The following ADAMTS19 variants were observed in gnomAD, a reference collection of about 807,000 sequenced individuals.
ADAMTS19 encodes ADAM metallopeptidase with thrombospondin type 1 motif 19, also known as A disintegrin and metalloproteinase with thrombospondin motifs 19.
ADAMTS19 carries 93 observed loss-of-function variants against 153.3 expected under a neutral mutation model. The ratio of observed to expected loss-of-function variants is 0.61; its 90% confidence interval spans 0.51 to 0.72. The LOEUF (loss-of-function observed/expected upper bound fraction) is 0.72. ADAMTS19 is among the 30% of genes least tolerant of loss of function. The pLI, the probability that ADAMTS19 is intolerant of heterozygous loss-of-function variation, is 0.00. For missense variants in ADAMTS19, 1,482 were observed against 1,552.1 expected, an observed-to-expected ratio of 0.95 and a Z score of 0.76; for synonymous variants, 600 against 556.6, an observed-to-expected ratio of 1.08 and a Z score of -1.10.
chr5:129,527,762 C>G lies in ADAMTS19; in HGVS notation c.1101C>G (p.Phe367Leu). 1.9e-6 allele frequency: 3 copies of G among 1,574,320 alleles called. No homozygotes were observed. The highest frequency in any genetic ancestry group is 2.6e-6 in the Non-Finnish European group (3 of 1,152,838). Residue 367 changes from phenylalanine (F) to leucine (L), a missense_variant, in exon 5 of 23, where the codon TTC becomes TTG. This residue lies in a region of ADAMTS19 where 866 missense variants were observed against 827.7 expected (regional missense o/e 1.05). Coordinates refer to ENST00000274487, the MANE Select transcript of ADAMTS19 (RefSeq NM_133638.6). Reference protein sequence around the residue: ...LTILNMVFNLFQHKSLSVQVN... With the variant: ...LTILNMVFNLLQHKSLSVQVN... ...TTTGTTTTTAGGTATTTAACCTTTT[C>G]CAACACAAGAGTCTGAGTGTGCAGG...
chr5:129,712,133 C>G (rs1756510842), intron 21 of ADAMTS19, among the ~76,000 whole-genome samples: 1 of 151,996 alleles, frequency 6.6e-6, no homozygotes, highest in Non-Finnish European at 1.5e-5. Flanking sequence ...TGCAAATATA[C>G]TGATGTTTGG....
intron 3 of ADAMTS19, among the ~76,000 whole-genome samples, chr5:129,514,207 G>T (rs917200660): frequency 2.0e-5 from 3 of 152,032 alleles, no homozygotes; most frequent in African/African-American, 7.2e-5. Flanking sequence ...CACTTGGATT[G>T]CTCCCAAATC....
At position 129,679,752 on chromosome 5, in the gene ADAMTS19, A is replaced by G; in HGVS notation, c.2507-12A>G. The G allele has an allele frequency of 6.3e-7, 1 of 1,579,946 alleles. No homozygotes were observed. The highest frequency in any genetic ancestry group is 8.6e-7 in the Non-Finnish European group (1 of 1,164,376). ...TTGTTAATACTCATTATATTTTTGA[A>G]CCTCTTTATAGCTCTCCGAGATGCT... On this transcript the variant is annotated splice_polypyrimidine_tract_variant and intron_variant, in intron 16 of 22. Transcript: ENST00000274487.
chr5:129,593,362 T>C (rs2040701), intron 7 of ADAMTS19, among the ~76,000 whole-genome samples: 87,884 of 152,060 alleles, frequency 0.58, 26,947 homozygotes, highest in Non-Finnish European at 0.69. Flanking sequence ...TATTTAATAA[T>C]GATTTGACCT....
intron 2 of ADAMTS19, among the ~76,000 whole-genome samples, chr5:129,472,551 A>G (rs115059948): frequency 0.011 from 1,750 of 152,298 alleles, 21 homozygotes; most frequent in Non-Finnish European, 0.017. Context: ...ATACATGTGA[A>G]CTAGTTGGAA....
intron 21 of ADAMTS19, among the ~76,000 whole-genome samples, chr5:129,726,010 A>G (rs980283285): frequency 1.3e-5 from 2 of 152,154 alleles, no homozygotes; most frequent in Non-Finnish European, 2.9e-5. Flanking sequence ...TTGGTGGGGA[A>G]AAGGGATTAT....
chr5:129,570,321 AG>A (rs1753851975), intron 7 of ADAMTS19, among the ~76,000 whole-genome samples: 3 of 150,028 alleles, frequency 2.0e-5, no homozygotes, highest in African/African-American at 7.3e-5. Flanking sequence ...TCAGTTTGAC[AG>A]TTTAGATTAA....
In ADAMTS19 at chr5:129,694,857, TA is replaced by T; in HGVS notation, c.2954+4del. The stretch of plus-strand genomic sequence containing the variant: ...CAATGAGCAACCATGTCAAACAAGG[TA>T]ACTCTATTCCAAGGGCCCTTAAAGC... On this transcript the variant is annotated splice_donor_region_variant and intron_variant, in intron 19 of 22. Transcript: ENST00000274487. 6.3e-7 allele frequency: 1 copy of T among 1,580,144 alleles called. No individual in the cohort carries two copies. The highest frequency in any genetic ancestry group is 1.2e-5 in the South Asian group (1 of 85,578).
chr5:129,576,319 T>A (rs953901147), intron 7 of ADAMTS19, among the ~76,000 whole-genome samples: 3 of 152,054 alleles, frequency 2.0e-5, no homozygotes, highest in African/African-American at 7.2e-5. Flanking sequence ...TAATATTTTA[T>A]ATAAAAGCTT....
intron 7 of ADAMTS19, among the ~76,000 whole-genome samples, chr5:129,559,669 A>T (rs1023071285): frequency 6.6e-6 from 1 of 152,170 alleles, no homozygotes; most frequent in Non-Finnish European, 1.5e-5. Context: ...AGAGAATCCT[A>T]TATGCATTAA....
At chr5:129,732,010 C>A (rs1478111497) in intron 21 of ADAMTS19, among the ~76,000 whole-genome samples, 9 of 152,018 alleles carry the variant, frequency 5.9e-5, no homozygotes, top group Non-Finnish European at 1.3e-4. Flanking sequence ...GGTATTTTCT[C>A]AGACAAATTA....
rs1286629664 is a variant in ADAMTS19 at position 129,737,234 on chromosome 5, C to A, written c.*16C>A. The A allele has an allele frequency of 1.3e-6, 2 of 1,579,380 alleles. No individual in the cohort carries two copies. The highest frequency in any genetic ancestry group is 1.7e-5 in the Admixed American group (1 of 57,644). Reference sequence around the variant, plus strand: ...GAAGAGTTGACCTCTAGCAGGCTGGCTGGATCACAGCTCTTGGCAATTACA... The same window carrying A: ...GAAGAGTTGACCTCTAGCAGGCTGGATGGATCACAGCTCTTGGCAATTACA... On this transcript the variant is annotated 3_prime_UTR_variant, in exon 23 of 23. Coordinates refer to ENST00000274487, the MANE Select transcript of ADAMTS19 (RefSeq NM_133638.6).
chr5:129,589,353 G>C (rs1390412916), intron 7 of ADAMTS19, among the ~76,000 whole-genome samples: 1 of 151,036 alleles, frequency 6.6e-6, no homozygotes, highest in Non-Finnish European at 1.5e-5. Flanking sequence ...CCAGATTAAT[G>C]CTTATTGTAA....
chr5:129,516,735 A>G (rs1187774211), intron 3 of ADAMTS19, among the ~76,000 whole-genome samples: 2 of 149,754 alleles, frequency 1.3e-5, no homozygotes, highest in South Asian at 2.1e-4. Flanking sequence ...TAACTTTTCA[A>G]ATAAAGCAAC....
Position 129,532,071 on chromosome 5 carries a change from AT to A in ADAMTS19, c.1328+3395del, listed in dbSNP as rs1752227128. 2.0e-5 allele frequency among the ~76,000 whole-genome samples: 3 copies of A among 152,342 alleles called. No individual in the cohort carries two copies. In the South Asian group the frequency reaches 6.2e-4, roughly 32 times the overall value. ...CTAAAACTCTATTGTAGCAAAAAAA[AT>A]AACATCTTCATGAACAAGAGGAGGG... On this transcript the variant is annotated intron_variant, in intron 6 of 22. Coordinates refer to ENST00000274487, the MANE Select transcript of ADAMTS19 (RefSeq NM_133638.6).
At chr5:129,682,491 A>G (rs936882176) in intron 17 of ADAMTS19, among the ~76,000 whole-genome samples, 3 of 152,212 alleles carry the variant, frequency 2.0e-5, no homozygotes, top group African/African-American at 7.2e-5. Context: ...AGTTCTATCA[A>G]TGAAAAGGTA....
At chr5:129,729,306 T>C (rs991186420) in intron 21 of ADAMTS19, among the ~76,000 whole-genome samples, 10 of 151,986 alleles carry the variant, frequency 6.6e-5, no homozygotes, top group Non-Finnish European at 1.2e-4. Context: ...GATTATTCAA[T>C]ATTGTCTTCT....
rs529107921 is a variant in ADAMTS19, at chr5:129,647,875, T to C, written c.1983T>C (p.Ser661=). ...GAACCTGCAGTGCTGGGATCAGCAGTCGAGAGCGCAAATGTCCTGGGTAAA... is the reference window on the plus strand; with the variant it reads ...GAACCTGCAGTGCTGGGATCAGCAGCCGAGAGCGCAAATGTCCTGGGTAAA... ...CSRTCSAGIS[S]RERKCPGLDS... is the part of the protein sequence containing the mutation. Residue 661 remains serine, a synonymous_variant, in exon 12 of 23, where the codon AGT becomes AGC. Coordinates refer to ENST00000274487, the MANE Select transcript of ADAMTS19 (RefSeq NM_133638.6). 6.2e-7 allele frequency: 1 copy of C among 1,613,550 alleles called. No homozygotes were observed. Among genetic ancestry groups the C allele is most frequent in the African/African-American group, 1.3e-5 (1 of 75,006 alleles).
At chr5:129,512,275 A>G (rs1751463079) in intron 3 of ADAMTS19, among the ~76,000 whole-genome samples, 1 of 152,096 alleles carries the variant, frequency 6.6e-6, no homozygotes, top group Middle Eastern at 3.2e-3. Flanking sequence ...CTACTGAACT[A>G]GTTCCCATAC....
Sources: allele counts gnomAD v4.1 joint callset (sites outside exome capture counted in the v4.1 genomes callset), GRCh38; gene constraint gnomAD v4.1.1; regional missense constraint gnomAD v4.1.1; transcripts MANE v1.5; gene names NCBI Gene and HGNC (gene_info 2026-07-23, HGNC 2026-07-21).